PCDH15: variants seen among roughly 807,000 people sequenced by gnomAD.
PCDH15 encodes protocadherin related 15, also known as protocadherin-15.
PCDH15 carries 129 observed loss-of-function variants against 178.5 expected under a neutral mutation model. The observed-to-expected ratio is 0.72, with a 90% CI of 0.63 to 0.84. The LOEUF (loss-of-function observed/expected upper bound fraction) is 0.84. Among genes scored for constraint, PCDH15 ranks in the 40% least tolerant of loss-of-function variants. PCDH15 has a pLI of 0.00. For missense variants in PCDH15, 2,230 were observed against 2,099.9 expected (o/e 1.06, Z -1.21); for synonymous variants, 800 against 732.0 (o/e 1.09, Z -1.50).
At chr10:53,864,479 G>C (rs1048091638) in intron 27 of PCDH15, among the ~76,000 whole-genome samples, 4 of 152,204 alleles carry the variant, frequency 2.6e-5, no homozygotes, top group Admixed American at 6.5e-5. Context: ...GGGCCAAGCA[G>C]GGGCCATCCT....
At chr10:54,382,128 TC>T (rs1277970449) in intron 3 of PCDH15, among the ~76,000 whole-genome samples, 11 of 152,160 alleles carry the variant, frequency 7.2e-5, no homozygotes, top group Admixed American at 6.6e-4. Context: ...GGCTGGTCAA[TC>T]TTTTACAGCC....
chr10:54,028,371 T>A (rs1346218197), intron 18 of PCDH15, among the ~76,000 whole-genome samples: 2 of 148,670 alleles, frequency 1.3e-5, no homozygotes, highest in African/African-American at 4.9e-5. Context: ...ATTGTGGAAG[T>A]CAGTGTGGCG....
intron 1 of PCDH15, among the ~76,000 whole-genome samples, chr10:54,669,210 A>G (rs530793139): frequency 6.6e-6 from 1 of 152,214 alleles, no homozygotes; most frequent in South Asian, 2.1e-4. Flanking sequence ...ATCACCCTTC[A>G]GCATTACCAG....
At chr10:54,949,498 T>C (rs1013425202) in intron 2 of PCDH15, among the ~76,000 whole-genome samples, 2 of 151,928 alleles carry the variant, frequency 1.3e-5, no homozygotes, top group African/African-American at 4.8e-5. Flanking sequence ...CTGGAGACAT[T>C]TTCCCCATCA....
At chr10:55,385,377 G>A (rs1837630541) in intron 2 of PCDH15, among the ~76,000 whole-genome samples, 1 of 152,000 alleles carries the variant, frequency 6.6e-6, no homozygotes, top group South Asian at 2.1e-4. Context: ...CAGTCTAAGT[G>A]AAAGAAAGTG....
upstream of PCDH15, among the ~76,000 whole-genome samples, chr10:54,802,636 A>C (rs761120576): frequency 6.6e-6 from 1 of 152,238 alleles, no homozygotes; most frequent in Non-Finnish European, 1.5e-5. Context: ...TACATGTTTA[A>C]ATAATGAGCA....
chr10:54,494,052 C>A (rs1189139102), intron 3 of PCDH15, among the ~76,000 whole-genome samples: 1 of 129,632 alleles, frequency 7.7e-6, no homozygotes, highest in Non-Finnish European at 1.5e-5. Context: ...CACATGGACA[C>A]AGGAAGGGGA....
chr10:54,577,249 A>AT (rs10699732), intron 2 of PCDH15, among the ~76,000 whole-genome samples: 117,448 of 141,702 alleles, frequency 0.83, 49,331 homozygotes, highest in Non-Finnish European at 0.91. Context: ...CGCCCAGCTA[A>AT]TTTTTTTTTT....
intron 2 of PCDH15, among the ~76,000 whole-genome samples, chr10:54,543,991 G>T (rs2085553576): frequency 6.6e-6 from 1 of 152,134 alleles, no homozygotes; most frequent in Non-Finnish European, 1.5e-5. Context: ...CCGTGTGTAT[G>T]CTCCAAATTG....
rs566306370 is a variant in PCDH15 at position 53,915,120 on chromosome 10, T to C, written c.3374-11750A>G. 1.2e-3 allele frequency among the ~76,000 whole-genome samples: 181 copies of C among 152,332 alleles called. 1 individual carries two copies. Among genetic ancestry groups the C allele is most frequent in the African/African-American group, 4.2e-3 (173 of 41,572 alleles). The stretch of plus-strand genomic sequence containing the variant: ...TATTTTTACTACAAATAGAATAATT[T>C]ATCTTAATTTGTGTATTTTTAAGTT... On this transcript the variant is annotated intron_variant, in intron 25 of 37. Coordinates refer to ENST00000644397, the MANE Select transcript of PCDH15 (RefSeq NM_001384140.1).
intron 2 of PCDH15, among the ~76,000 whole-genome samples, chr10:54,597,721 A>AAT (rs1232181154): frequency 6.6e-6 from 1 of 152,088 alleles, no homozygotes; most frequent in East Asian, 1.9e-4. Flanking sequence ...ACATTAATAC[A>AAT]ATAGATAGAC....
rs1589120930 is a variant in PCDH15, at chr10:54,378,732, T to C, written c.318+50A>G. On this transcript the variant is annotated intron_variant, in intron 4 of 37. Coordinates refer to ENST00000644397, the MANE Select transcript of PCDH15 (RefSeq NM_001384140.1). ...TCATATAAACACACACATAGACATT[T>C]AAATTATAATAAACTTATATTACAG... The C allele has an allele frequency of 3.8e-6, 6 of 1,571,262 alleles. No homozygotes were observed. In the East Asian group the frequency reaches 1.1e-4, roughly 30 times the overall value.
chr10:55,579,311 T>C (rs1339069010), intron 2 of PCDH15, among the ~76,000 whole-genome samples: 3 of 152,196 alleles, frequency 2.0e-5, no homozygotes, highest in Non-Finnish European at 4.4e-5. Context: ...GACACAATTA[T>C]CATAGAAGTG....
At chr10:55,133,309 C>T (rs1838103780) in intron 2 of PCDH15, among the ~76,000 whole-genome samples, 1 of 151,870 alleles carries the variant, frequency 6.6e-6, no homozygotes. Context: ...CTATTAGTGA[C>T]TTTTGACATA....
chr10:54,228,234 C>A (rs369636701), intron 9 of PCDH15, among the ~76,000 whole-genome samples: 1 of 152,146 alleles, frequency 6.6e-6, no homozygotes, highest in Non-Finnish European at 1.5e-5. Context: ...TACAGTTCCA[C>A]GTGGCTGAGG....
At chr10:55,497,171 C>CTTTGTACAGTGCTTTGTA (rs1840553284) in intron 2 of PCDH15, among the ~76,000 whole-genome samples, 1 of 151,688 alleles carries the variant, frequency 6.6e-6, no homozygotes, top group Non-Finnish European at 1.5e-5. Flanking sequence ...GCTTTGTCAC[C>CTTTGTACAGTGCTTTGTA]CAGGCTGAAG....
intron 2 of PCDH15, among the ~76,000 whole-genome samples, chr10:55,529,630 G>A (rs963672224): frequency 6.7e-6 from 1 of 150,318 alleles, no homozygotes; most frequent in Non-Finnish European, 1.5e-5. Flanking sequence ...AGGTATTAGG[G>A]TGATCTGATA....
chr10:54,220,741 A>C (rs989935517), intron 9 of PCDH15, among the ~76,000 whole-genome samples: 11 of 151,722 alleles, frequency 7.3e-5, no homozygotes, highest in East Asian at 5.9e-4. Context: ...AGGAGAATGG[A>C]GTGAACCCAG....
At chr10:55,475,261 C>T (rs1840040117) in intron 2 of PCDH15, among the ~76,000 whole-genome samples, 1 of 152,116 alleles carries the variant, frequency 6.6e-6, no homozygotes, top group Non-Finnish European at 1.5e-5. Context: ...CCATCTTCAA[C>T]ATAGGGGACC....
Sources: gnomAD v4.1 joint callset for allele counts (sites outside exome capture counted in the v4.1 genomes callset) on GRCh38, gnomAD v4.1.1 for gene constraint, MANE v1.5 for transcripts, NCBI Gene and HGNC (gene_info 2026-07-23, HGNC 2026-07-21) for gene names.